The following SYT1 variants were observed in gnomAD, a reference collection of about 807,000 sequenced individuals.
SYT1 encodes synaptotagmin 1, also known as synaptotagmin-1.
Under a neutral mutation model 44.8 loss-of-function variants are expected in SYT1, and 8 were observed. The observed-to-expected ratio is 0.18, with a 90% CI of 0.10 to 0.32. SYT1 has a LOEUF of 0.32. SYT1 is among the 10% of genes least tolerant of loss of function. The probability of loss-of-function intolerance (pLI) is 1.00; values close to 1 mark genes in which losing one functional copy is unlikely to be tolerated. For missense variants in SYT1, 286 were observed against 509.3 expected (o/e 0.56, Z 4.22); for synonymous variants, 154 against 188.8 (o/e 0.82, Z 1.51).
chr12:79,200,599 G>A (rs1302882098), intron 3 of SYT1, among the ~76,000 whole-genome samples: 1 of 152,060 alleles, frequency 6.6e-6, no homozygotes, highest in Non-Finnish European at 1.5e-5. Context: ...TGAAAAATGA[G>A]GGAACTCCTA....
intron 3 of SYT1, among the ~76,000 whole-genome samples, chr12:79,158,714 A>G (rs558575525): frequency 6.6e-6 from 1 of 152,188 alleles, no homozygotes; most frequent in Admixed American, 6.5e-5. Context: ...CCTGGGCAAC[A>G]TGGTGAAAAC....
chr12:79,131,529 T>C (rs922435931), intron 3 of SYT1, among the ~76,000 whole-genome samples: 6 of 152,188 alleles, frequency 3.9e-5, no homozygotes, highest in Non-Finnish European at 2.9e-5. Context: ...CCTAGGTTTC[T>C]TCAGAGAAAA....
At chr12:78,907,636 G>A (rs1301066456) in intron 1 of SYT1, among the ~76,000 whole-genome samples, 2 of 151,938 alleles carry the variant, frequency 1.3e-5, no homozygotes, top group African/African-American at 2.4e-5. Flanking sequence ...CTTATGTACT[G>A]ATGAAAGTAT....
At chr12:79,445,644 C>T (rs1011260196) in intron 10 of SYT1, among the ~76,000 whole-genome samples, 8 of 151,498 alleles carry the variant, frequency 5.3e-5, no homozygotes, top group African/African-American at 1.2e-4. Context: ...TTTTTATGGC[C>T]GAATAGTATT....
intron 3 of SYT1, among the ~76,000 whole-genome samples, chr12:79,179,577 GGATATA>G (rs1872382710): frequency 6.9e-6 from 1 of 143,924 alleles, no homozygotes; most frequent in Non-Finnish European, 1.5e-5. Flanking sequence ...ATATAGATAT[GGATATA>G]GATATAGATT....
intron 3 of SYT1, among the ~76,000 whole-genome samples, chr12:79,180,583 T>TTA (rs1310627819): frequency 6.6e-6 from 1 of 151,978 alleles, no homozygotes; most frequent in African/African-American, 2.4e-5. Context: ...CTCAGGAAAC[T>TTA]TATAATCATG....
chr12:78,995,107 G>A (rs1009446585), intron 2 of SYT1, among the ~76,000 whole-genome samples: 1 of 152,056 alleles, frequency 6.6e-6, no homozygotes, highest in Non-Finnish European at 1.5e-5. Flanking sequence ...TGATTAAATA[G>A]GCCTGAACCA....
intron 4 of SYT1, among the ~76,000 whole-genome samples, chr12:79,218,362 CTA>C (rs1874942370): frequency 6.6e-6 from 1 of 152,086 alleles, no homozygotes; most frequent in African/African-American, 2.4e-5. Flanking sequence ...ACAAAAATAA[CTA>C]TGTGAGATTA....
intron 4 of SYT1, among the ~76,000 whole-genome samples, chr12:79,277,104 G>T (rs930122299): frequency 6.6e-6 from 1 of 152,046 alleles, no homozygotes; most frequent in Non-Finnish European, 1.5e-5. Context: ...GGTCTTGCTG[G>T]AATATTAGAC....
chr12:79,030,776 C>CAAT, intron 2 of SYT1, among the ~76,000 whole-genome samples: 1 of 151,048 alleles, frequency 6.6e-6, no homozygotes, highest in Middle Eastern at 3.4e-3. Flanking sequence ...AAAATAAAAA[C>CAAT]AATAGTTCTT....
At chr12:78,969,179 G>A (rs1278780320) in intron 1 of SYT1, among the ~76,000 whole-genome samples, 1 of 152,102 alleles carries the variant, frequency 6.6e-6, no homozygotes, top group African/African-American at 2.4e-5. Flanking sequence ...GTAATCTAGA[G>A]ATAAAGTATA....
At chr12:79,278,273 G>A (rs1878847489) in intron 4 of SYT1, among the ~76,000 whole-genome samples, 1 of 152,022 alleles carries the variant, frequency 6.6e-6, no homozygotes, top group African/African-American at 2.4e-5. Context: ...CACAAAACAA[G>A]TCTCAATAAA....
At chr12:78,947,366 G>A (rs1527079) in intron 1 of SYT1, among the ~76,000 whole-genome samples, 21,779 of 151,838 alleles carry the variant, frequency 0.14, 1,864 homozygotes, top group East Asian at 0.3. Context: ...GATTATGTGC[G>A]CATCGTGACC....
At chr12:79,293,222 G>T (rs1879679283) in intron 6 of SYT1, among the ~76,000 whole-genome samples, 1 of 151,240 alleles carries the variant, frequency 6.6e-6, no homozygotes, top group Non-Finnish European at 1.5e-5. Context: ...TACTCAGGAG[G>T]CTGAGGCAGG....
chr12:79,198,704 GGGA>G (rs1873604437), intron 3 of SYT1, among the ~76,000 whole-genome samples: 1 of 152,136 alleles, frequency 6.6e-6, no homozygotes, highest in African/African-American at 2.4e-5. Context: ...GAAGTGTCAG[GGGA>G]GTAGAGATGG....
chr12:78,876,461 G>GTTTTTTT (rs1491347037), intron 1 of SYT1, among the ~76,000 whole-genome samples: 1 of 30,214 alleles, frequency 3.3e-5, no homozygotes, highest in Admixed American at 5.8e-4. Flanking sequence ...GAAAATGGAG[G>GTTTTTTT]TGTTTTTTTT....
chr12:79,107,475 A>G (rs2138077170), intron 3 of SYT1, among the ~76,000 whole-genome samples: 1 of 152,128 alleles, frequency 6.6e-6, no homozygotes, highest in East Asian at 1.9e-4. Context: ...ACATTAATGT[A>G]TTGATGACAT....
At chr12:79,411,104 A>C (rs1868402671) in intron 9 of SYT1, among the ~76,000 whole-genome samples, 1 of 152,212 alleles carries the variant, frequency 6.6e-6, no homozygotes, top group Admixed American at 6.5e-5. Context: ...TCTCTGGAAT[A>C]TGAAATAATG....
At chr12:79,284,265 A>T (rs373017615) in intron 4 of SYT1, among the ~76,000 whole-genome samples, 2 of 152,276 alleles carry the variant, frequency 1.3e-5, no homozygotes, top group East Asian at 3.9e-4. Context: ...AAGAAAATAT[A>T]TTAACTTTTA....
Sources: allele counts gnomAD v4.1 joint callset (sites outside exome capture counted in the v4.1 genomes callset), GRCh38; gene constraint gnomAD v4.1.1; transcripts MANE v1.5; gene names NCBI Gene and HGNC (gene_info 2026-07-23, HGNC 2026-07-21).